PMM1: variants seen among roughly 807,000 people sequenced by gnomAD.
The protein encoded by PMM1 is phosphomannomutase 1.
A neutral mutation model predicts 34.0 loss-of-function variants in PMM1; 25 were observed. The observed-to-expected ratio is 0.73, with a 90% confidence interval of 0.54 to 1.03. The LOEUF is 1.03. Ranked by LOEUF, PMM1 falls within the 50% of genes least tolerant of loss-of-function variation. The probability of loss-of-function intolerance (pLI) is 0.00; values close to 1 mark genes in which losing one functional copy is unlikely to be tolerated. For synonymous variants in PMM1, 134 were observed against 143.9 expected (o/e 0.93, Z 0.49); for missense variants, 321 against 350.1 (o/e 0.92, Z 0.66).
chr22:41,585,787 C>T (rs912704575), intron 2 of PMM1, among the ~76,000 whole-genome samples: 4 of 152,250 alleles, frequency 2.6e-5, no homozygotes, highest in South Asian at 2.1e-4. Flanking sequence ...GCCACTGTGC[C>T]GGCTGGTTCA....
At chr22:41,588,569 G>C (rs1250455117) in intron 1 of PMM1, 14 of 801,054 alleles carry the variant, frequency 1.7e-5, no homozygotes, top group Non-Finnish European at 2.0e-5. Context: ...TAGCCAGACT[G>C]ATCTAGAATT....
chr22:41,578,880 T>C lies in PMM1; in HGVS notation c.476A>G (p.Lys159Arg). The C allele has an allele frequency of 6.2e-7, 1 of 1,613,800 alleles. No individual in the cohort carries two copies. The highest frequency in any genetic ancestry group is 8.5e-7 in the Non-Finnish European group (1 of 1,179,830). Residue 159 changes from lysine (K) to arginine (R), a missense_variant and splice_region_variant, in exon 6 of 8, where the codon AAA (lysine) becomes AGA (arginine). Physicochemically the swap from Lys to Arg is conservative, Grantham distance 26 (BLOSUM62 2). Coordinates refer to ENST00000216259, the MANE Select transcript of PMM1 (RefSeq NM_002676.3). The stretch of plus-strand genomic sequence containing the variant: ...CACGAACTTCTCCCGGATCTTCTCT[T>C]TCTGCAGAGGGGAGGGAGCGGATGG... ...ERIEFSELDKKEKIREKFVEA... is the reference protein window; with the variant it reads ...ERIEFSELDKREKIREKFVEA...
At chr22:41,579,152 C>T (rs776498502) in intron 5 of PMM1, 9 of 445,556 alleles carry the variant, frequency 2.0e-5, no homozygotes, top group South Asian at 1.2e-4. Context: ...AGGAGAGACA[C>T]GAGTAGGAAG....
chr22:41,589,797 G>T lies in PMM1; in HGVS notation c.9C>A (p.Val3=), dbSNP rs151061108. 1 of 1,606,634 alleles carries T rather than the reference G, an allele frequency of 6.2e-7. No individual in the cohort carries two copies. Among genetic ancestry groups the T allele is most frequent in the Non-Finnish European group, 8.5e-7 (1 of 1,177,564 alleles). Residue 3 remains valine, a synonymous_variant, in exon 1 of 8, where the codon GTC becomes GTA. Coordinates refer to ENST00000216259, the MANE Select transcript of PMM1 (RefSeq NM_002676.3). ...CCTTCCTGCGGGCTGCCTGGGCGGT[G>T]ACTGCCATGGCTGCAGGTCCGCGCG... MA[V]TAQAARRKER... is the part of the protein sequence containing the mutation.
Position 41,586,195 on chromosome 22 carries a change from T to C in PMM1, c.88-2A>G. ...GGCGGCCACCTCAGGGTCAATTTTC[T>C]ATGGGGGGAGAGGGGAAGCATAGCA... On this transcript the variant is annotated splice_acceptor_variant, in intron 1 of 7. Coordinates refer to ENST00000216259, the MANE Select transcript of PMM1 (RefSeq NM_002676.3). LOFTEE classifies it high-confidence loss of function. 3 of 1,607,682 alleles carry C rather than the reference T, an allele frequency of 1.9e-6. No homozygotes were observed. The highest frequency in any genetic ancestry group is 8.5e-7 in the Non-Finnish European group (1 of 1,179,594).
chr22:41,587,751 T>A lies in PMM1; in HGVS notation c.88-1558A>T, dbSNP rs182387703. On this transcript the variant is annotated intron_variant, in intron 1 of 7. Coordinates refer to ENST00000216259, the MANE Select transcript of PMM1 (RefSeq NM_002676.3). Reference sequence around the variant, plus strand: ...GGGCAAATAGATCCAGATAAAGGCCTGGAGGGAAGCCACACCACAGTAACC... The same window carrying A: ...GGGCAAATAGATCCAGATAAAGGCCAGGAGGGAAGCCACACCACAGTAACC... Among the ~76,000 whole-genome samples the A allele has an allele frequency of 7.2e-5, 11 of 152,284 alleles. No homozygotes were observed. In the East Asian group the frequency reaches 1.3e-3, roughly 19 times the overall value.
At chr22:41,584,635 A>C (rs1555898546) in intron 2 of PMM1, 32 bp from the exon 3 acceptor site, 2 of 1,559,080 alleles carry the variant, frequency 1.3e-6, no homozygotes, top group South Asian at 1.1e-5. Context: ...AGGAGGAAGA[A>C]AGAGTGTGAG....
In PMM1 at chr22:41,589,784, C is replaced by G; in HGVS notation, c.22G>C (p.Ala8Pro). 6.2e-7 allele frequency: 1 copy of G among 1,609,288 alleles called. No homozygotes were observed. The highest frequency in any genetic ancestry group is 8.5e-7 in the Non-Finnish European group (1 of 1,178,646). The change falls in exon 1 of 8, where the codon GCC (alanine) becomes CCC (proline). Residue 8 changes from alanine (A) to proline (P), a missense_variant. Transcript: ENST00000216259. MAVTAQA[A>P]RRKERVLCLF... The stretch of plus-strand genomic sequence containing the variant: ...CAGAGGACGCGCTCCTTCCTGCGGG[C>G]TGCCTGGGCGGTGACTGCCATGGCT...
intron 5 of PMM1, 120 bp downstream of exon 5, chr22:41,583,839 A>G (rs1052091622): frequency 1.8e-5 from 13 of 709,154 alleles, no homozygotes; most frequent in Non-Finnish European, 3.3e-5. Flanking sequence ...TAGGTGCCTG[A>G]AAGGGTATCA....
In PMM1 at chr22:41,584,607, C is replaced by A; in HGVS notation, c.206-4G>T. The A allele has an allele frequency of 6.2e-7, 1 of 1,611,832 alleles. No homozygotes were observed. The highest frequency in any genetic ancestry group is 8.5e-7 in the Non-Finnish European group (1 of 1,178,284). Reference sequence around the variant, plus strand: ...ACATAATCAAACTTCTCAATGACTTCAGGGTCACATAGAGGACAGGAGGAA... The same window carrying A: ...ACATAATCAAACTTCTCAATGACTTAAGGGTCACATAGAGGACAGGAGGAA... On this transcript the variant is annotated splice_polypyrimidine_tract_variant and splice_region_variant and intron_variant, in intron 2 of 7. Coordinates refer to ENST00000216259, the MANE Select transcript of PMM1 (RefSeq NM_002676.3).
chr22:41,578,137 C>T (rs1230897144), intron 6 of PMM1, among the ~76,000 whole-genome samples: 1 of 151,982 alleles, frequency 6.6e-6, no homozygotes, highest in African/African-American at 2.4e-5. Context: ...CTCATCCGGC[C>T]AGGGTGATCA....
At chr22:41,589,549 AGGT>A in intron 1 of PMM1, 167 bp downstream of exon 1, 1 of 618,376 alleles carries the variant, frequency 1.6e-6, no homozygotes, top group Non-Finnish European at 2.9e-6. Context: ...CGTGAGGGCC[AGGT>A]CCCCTCACTC....
In PMM1 at chr22:41,584,576, G is replaced by A. The variant is rs1199024885; in HGVS notation, c.233C>T (p.Ala78Val). The A allele has an allele frequency of 1.2e-6, 2 of 1,613,646 alleles. No homozygotes were observed. Among genetic ancestry groups the A allele is most frequent in the South Asian group, 2.2e-5 (2 of 91,054 alleles). ...EVIEKFDYVF[A>V]ENGTVQYKHG... ...CTTATACTGCACCGTCCCGTTCTCG[G>A]CAAACACATAATCAAACTTCTCAAT... is the stretch of plus-strand genomic sequence containing the variant. Residue 78 changes from alanine to valine, a missense_variant, in exon 3 of 8, where the codon GCC becomes GTC. Coordinates refer to ENST00000216259, the MANE Select transcript of PMM1 (RefSeq NM_002676.3).
chr22:41,582,817 G>A (rs1271358007), intron 5 of PMM1, among the ~76,000 whole-genome samples: 1 of 152,168 alleles, frequency 6.6e-6, no homozygotes, highest in Non-Finnish European at 1.5e-5. Flanking sequence ...AGAGGGCAGG[G>A]AGAGCCACCG....
rs1332692039 is a variant in PMM1, at chr22:41,578,663, T to A, written c.550+143A>T. The A allele has an allele frequency of 2.0e-5, 13 of 649,032 alleles. No individual in the cohort carries two copies. The East Asian group carries it at 3.3e-4, about 17-fold the overall frequency. 40.2% of individuals were successfully genotyped at this position (649,032 alleles called of 1,614,324 possible). On this transcript the variant is annotated intron_variant, in intron 6 of 7. Coordinates refer to ENST00000216259, the MANE Select transcript of PMM1 (RefSeq NM_002676.3). ...AGTAAACACTGAACCCCTTTCTGCA[T>A]CGGGCTCAGCCACCCTCTCTGCCCT...
intron 1 of PMM1, chr22:41,588,717 G>T (rs2067342559): frequency 1.0e-6 from 1 of 985,336 alleles, no homozygotes; most frequent in African/African-American, 1.7e-5. Context: ...GGCCTCCAGG[G>T]CCCAAGCCAG....
chr22:41,585,595 G>A (rs2067299046), intron 2 of PMM1, among the ~76,000 whole-genome samples: 1 of 151,990 alleles, frequency 6.6e-6, no homozygotes, highest in African/African-American at 2.4e-5. Flanking sequence ...AGGTTCAAGC[G>A]ATTCTCCTGC....
At chr22:41,589,170 G>T in intron 1 of PMM1, 1 of 1,285,036 alleles carries the variant, frequency 7.8e-7, no homozygotes, top group Non-Finnish European at 1.0e-6. Context: ...ACGACTGGGG[G>T]TGGAAGGTAA....
chr22:41,589,333 G>A (rs2067352684), intron 1 of PMM1: 1 of 432,128 alleles, frequency 2.3e-6, no homozygotes, highest in Admixed American at 2.9e-5. Flanking sequence ...AGCCAGCTCC[G>A]ACCACTGGTG....
Sources: gnomAD v4.1 joint callset for allele counts (sites outside exome capture counted in the v4.1 genomes callset) on GRCh38, gnomAD v4.1.1 for gene constraint, MANE v1.5 for transcripts, NCBI Gene and HGNC (gene_info 2026-07-23, HGNC 2026-07-21) for gene names.